NTMT2: variants seen among roughly 807,000 people sequenced by gnomAD.
NTMT2 encodes N-terminal Xaa-Pro-Lys N-methyltransferase 2, also known as X-Pro-Lys N-terminal protein methyltransferase 1B.
NTMT2 carries 21 observed loss-of-function variants against 23.4 expected under a neutral mutation model. That is an observed-to-expected ratio of 0.90 (90% CI 0.64 to 1.29). The LOEUF is 1.29. Among genes scored for constraint, NTMT2 ranks in the 50% most tolerant of loss-of-function variants. The probability of loss-of-function intolerance (pLI) is 0.00; values close to 1 mark genes in which losing one functional copy is unlikely to be tolerated. For missense variants in NTMT2, 336 were observed against 352.0 expected (o/e 0.95, Z 0.36); for synonymous variants, 131 against 127.7 (o/e 1.03, Z -0.17).
intron 2 of NTMT2, among the ~76,000 whole-genome samples, chr1:170,164,520 G>T (rs1002969988): frequency 6.6e-6 from 1 of 152,118 alleles, no homozygotes; most frequent in Non-Finnish European, 1.5e-5. Flanking sequence ...AATTAGTTTA[G>T]TCTAAATTAT....
At chr1:170,148,366 T>A (rs573890726) in intron 1 of NTMT2, among the ~76,000 whole-genome samples, 259 of 152,016 alleles carry the variant, frequency 1.7e-3, no homozygotes, top group African/African-American at 5.9e-3. Context: ...TTAGCCAGGA[T>A]GGTCTTGATC....
At chr1:170,157,296 AG>A (rs2102235821) in intron 1 of NTMT2, among the ~76,000 whole-genome samples, 1 of 152,262 alleles carries the variant, frequency 6.6e-6, no homozygotes, top group Non-Finnish European at 1.5e-5. Flanking sequence ...ATAGCAAAAA[AG>A]CTTCTATGTA....
chr1:170,149,347 G>A (rs950061889), intron 1 of NTMT2, among the ~76,000 whole-genome samples: 1 of 152,220 alleles, frequency 6.6e-6, no homozygotes, highest in Non-Finnish European at 1.5e-5. Flanking sequence ...ATCTGCCAGT[G>A]TGACTTTTAT....
chr1:170,154,724 T>C (rs1378928364), intron 1 of NTMT2, among the ~76,000 whole-genome samples: 1 of 151,232 alleles, frequency 6.6e-6, no homozygotes, highest in Non-Finnish European at 1.5e-5. Flanking sequence ...GACTTGAGAC[T>C]TGGGACTTCT....
intron 1 of NTMT2, among the ~76,000 whole-genome samples, 185 bp downstream of exon 1, chr1:170,146,446 C>T (rs907108999): frequency 1.3e-5 from 2 of 152,034 alleles, no homozygotes; most frequent in African/African-American, 4.8e-5. Context: ...AGATTAAGTG[C>T]CTAAAATAGA....
chr1:170,146,112 C>A lies in NTMT2; in HGVS notation c.5C>A (p.Ala2Asp). The change falls in exon 1 of 4, where the codon GCC becomes GAC. Residue 2 changes from alanine (A) to aspartate (D), a missense_variant. Coordinates refer to ENST00000439373, the MANE Select transcript of NTMT2 (RefSeq NM_001136107.2). M[A>D]HRGAHFAFRS... ...TCATTATTATCCCCCTTTGTCATGG[C>A]CCACCGGGGAGCCCATTTTGCCTTT... The A allele has an allele frequency of 6.4e-7, 1 of 1,550,776 alleles. No individual in the cohort carries two copies. The highest frequency in any genetic ancestry group is 8.7e-7 in the Non-Finnish European group (1 of 1,146,592).
intron 1 of NTMT2, 107 bp downstream of exon 1, chr1:170,146,368 A>C: frequency 9.6e-7 from 1 of 1,043,094 alleles, no homozygotes; most frequent in Non-Finnish European, 1.4e-6. Context: ...CTTTTCAGAC[A>C]AAAAAAACTC....
At chr1:170,148,536 C>CTGATGATT (rs948292747) in intron 1 of NTMT2, among the ~76,000 whole-genome samples, 1 of 151,994 alleles carries the variant, frequency 6.6e-6, no homozygotes, top group Non-Finnish European at 1.5e-5. Flanking sequence ...TTCTCTGACC[C>CTGATGATT]TGATGATTTG....
rs749942959 is a variant in NTMT2, at chr1:170,146,161, C to A, written c.54C>A (p.Asp18Glu). The change falls in exon 1 of 4, where the codon GAC becomes GAA. Residue 18 changes from aspartate (D) to glutamate (E), a missense_variant. Asp to Glu is a conservative substitution (Grantham distance 45). Transcript: ENST00000439373. Reference protein sequence around the residue: ...FAFRSRWQKTDDELCRHSMSF... With the variant: ...FAFRSRWQKTEDELCRHSMSF... ...TTAGATCCCGCTGGCAGAAGACCGA[C>A]GATGAACTCTGTAGACATAGCATGT... The A allele has an allele frequency of 2.6e-6, 4 of 1,551,334 alleles. No homozygotes were observed.
At chr1:170,149,041 T>C (rs905931884) in intron 1 of NTMT2, among the ~76,000 whole-genome samples, 17 of 152,324 alleles carry the variant, frequency 1.1e-4, no homozygotes, top group Middle Eastern at 3.4e-3. Flanking sequence ...TACCAGACAA[T>C]GCTTAGTTCT....
At chr1:170,150,759 C>A (rs1673052374) in intron 1 of NTMT2, among the ~76,000 whole-genome samples, 1 of 152,064 alleles carries the variant, frequency 6.6e-6, no homozygotes, top group African/African-American at 2.4e-5. Context: ...TTATGCCAAC[C>A]AAATTTCTGT....
At chr1:170,154,234 G>A (rs749500522) in intron 1 of NTMT2, among the ~76,000 whole-genome samples, 27 of 152,142 alleles carry the variant, frequency 1.8e-4, no homozygotes, top group Admixed American at 3.3e-4. Flanking sequence ...CACCCAAGCA[G>A]AAGCCTGTTG....
chr1:170,164,567 T>C (rs868803542), intron 2 of NTMT2, among the ~76,000 whole-genome samples: 3 of 152,238 alleles, frequency 2.0e-5, no homozygotes, highest in Non-Finnish European at 4.4e-5. Context: ...TAAGTAAAAA[T>C]GGCAAACACA....
At chr1:170,162,710 G>T (rs766074938) in intron 2 of NTMT2, among the ~76,000 whole-genome samples, 2 of 152,144 alleles carry the variant, frequency 1.3e-5, no homozygotes, top group Non-Finnish European at 2.9e-5. Flanking sequence ...GAGGCTTGAA[G>T]AGGTTAAATA....
chr1:170,164,326 A>G (rs1211490112), intron 2 of NTMT2, among the ~76,000 whole-genome samples: 1 of 152,158 alleles, frequency 6.6e-6, no homozygotes, highest in Non-Finnish European at 1.5e-5. Flanking sequence ...AGCATGACCA[A>G]TAGAGGCTTT....
At position 170,167,490 on chromosome 1, in the gene NTMT2, C is replaced by T. The variant is rs754031826; in HGVS notation, c.585C>T (p.His195=). ...TCCACTTGGTCTCCCTTGTAGGGCA[C>T]CTGACTGATAAGGACCTTCTTGCAT... ...DVIWIQWVSG[H]LTDKDLLAFL... Residue 195 remains histidine (H), a synonymous_variant, in exon 4 of 4, where the codon CAC becomes CAT. Transcript: ENST00000439373. The T allele has an allele frequency of 6.5e-6, 10 of 1,547,296 alleles. No homozygotes were observed. In the South Asian group the frequency reaches 1.1e-4, roughly 17 times the overall value.
At chr1:170,162,317 T>C (rs1673289836) in intron 2 of NTMT2, among the ~76,000 whole-genome samples, 1 of 152,168 alleles carries the variant, frequency 6.6e-6, no homozygotes. Context: ...CATCAACCGA[T>C]TTAGTAGCAA....
intron 1 of NTMT2, among the ~76,000 whole-genome samples, chr1:170,149,238 A>G (rs1435570831): frequency 6.6e-6 from 1 of 152,240 alleles, no homozygotes; most frequent in African/African-American, 2.4e-5. Flanking sequence ...GGTGCAGGGA[A>G]ATCAGGCTAC....
intron 2 of NTMT2, among the ~76,000 whole-genome samples, chr1:170,162,856 CTTTATTTATTTA>C (rs61583139): frequency 2.2e-4 from 33 of 148,874 alleles, no homozygotes; most frequent in African/African-American, 6.9e-4. Flanking sequence ...AAAATCCCTG[CTTTATTTATTTA>C]TTTATTTATT....
Sources: allele counts gnomAD v4.1 joint callset (sites outside exome capture counted in the v4.1 genomes callset), GRCh38; gene constraint gnomAD v4.1.1; transcripts MANE v1.5; gene names NCBI Gene and HGNC (gene_info 2026-07-23, HGNC 2026-07-21).